TCERG1L: variants seen among roughly 807,000 people sequenced by gnomAD.
TCERG1L encodes transcription elongation regulator 1-like protein.
TCERG1L carries 37 observed loss-of-function variants against 56.3 expected under a neutral mutation model. The ratio of observed to expected loss-of-function variants is 0.66; its 90% CI spans 0.51 to 0.87. The LOEUF (loss-of-function observed/expected upper bound fraction) is 0.87. Ranked by LOEUF, TCERG1L falls within the 40% of genes least tolerant of loss-of-function variation. The probability of loss-of-function intolerance (pLI) is 0.00; values close to 1 mark genes in which losing one functional copy is unlikely to be tolerated. For synonymous variants in TCERG1L, 324 were observed against 326.3 expected, an observed-to-expected ratio of 0.99 and a Z score of 0.08; for missense variants, 799 against 774.2, an observed-to-expected ratio of 1.03 and a Z score of -0.38.
intron 4 of TCERG1L, among the ~76,000 whole-genome samples, chr10:131,180,370 C>A (rs527986058): frequency 6.6e-6 from 1 of 152,342 alleles, no homozygotes; most frequent in South Asian, 2.1e-4. Context: ...CTGCAAATTA[C>A]AAACTCTAAG....
rs1002212542 is a variant in TCERG1L at position 131,267,770 on chromosome 10, A to G, written c.671-7326T>C. Among the ~76,000 whole-genome samples, 6 of 152,072 alleles carry G rather than the reference A, an allele frequency of 3.9e-5. No homozygotes were observed. Among genetic ancestry groups the G allele is most frequent in the Non-Finnish European group, 8.8e-5 (6 of 67,994 alleles). On this transcript the variant is annotated intron_variant, in intron 3 of 11. Transcript: ENST00000368642. This position sits in a 1 kb window ranked among gnomAD's most constrained non-coding sequence, Gnocchi z 4.9. ...GCCTTGGGGACATGGGGCACAGGGA[A>G]CCCCACTGCTGCTCCCACCACCAGT...
At chr10:131,206,353 T>A (rs1298398925) in intron 4 of TCERG1L, among the ~76,000 whole-genome samples, 1 of 151,956 alleles carries the variant, frequency 6.6e-6, no homozygotes, top group Non-Finnish European at 1.5e-5. Flanking sequence ...TGAAGACCGG[T>A]GTGGGAGCTC....
At chr10:131,100,441 GTTACT>G (rs1845294002) in intron 10 of TCERG1L, among the ~76,000 whole-genome samples, 1 of 152,032 alleles carries the variant, frequency 6.6e-6, no homozygotes, top group South Asian at 2.1e-4. Context: ...CCTTTGCTCT[GTTACT>G]TTATTTTATG....
At chr10:131,300,932 C>A (rs1455830183) in intron 3 of TCERG1L, among the ~76,000 whole-genome samples, 1 of 152,052 alleles carries the variant, frequency 6.6e-6, no homozygotes, top group Non-Finnish European at 1.5e-5. Flanking sequence ...ATTTTGTTGT[C>A]ATGGTTGCCT....
intron 7 of TCERG1L, among the ~76,000 whole-genome samples, chr10:131,135,860 C>A (rs1233337418): frequency 6.6e-6 from 1 of 152,256 alleles, no homozygotes; most frequent in Non-Finnish European, 1.5e-5. Context: ...ATGGGCAGTG[C>A]AGAGCGGGGG....
chr10:131,304,808 G>C (rs1358512637), intron 3 of TCERG1L, among the ~76,000 whole-genome samples: 2 of 151,966 alleles, frequency 1.3e-5, no homozygotes, highest in African/African-American at 4.8e-5. Flanking sequence ...CACTTTCCTG[G>C]AGGAGCCAAG....
chr10:131,263,127 C>T (rs981647008), intron 3 of TCERG1L, among the ~76,000 whole-genome samples: 4 of 152,082 alleles, frequency 2.6e-5, no homozygotes, highest in Non-Finnish European at 4.4e-5. Context: ...CTGTCTTCCA[C>T]GGTGGCTATG....
intron 3 of TCERG1L, among the ~76,000 whole-genome samples, chr10:131,296,383 C>T (rs1846690386): frequency 6.6e-6 from 1 of 152,134 alleles, no homozygotes; most frequent in African/African-American, 2.4e-5. Flanking sequence ...ATGGTCTTTT[C>T]TTTATTGATT....
intron 4 of TCERG1L, among the ~76,000 whole-genome samples, chr10:131,236,241 T>A (rs906915306): frequency 6.6e-6 from 1 of 152,276 alleles, no homozygotes; most frequent in Non-Finnish European, 1.5e-5. Context: ...CTCCAACCTG[T>A]GATCTATGAT....
At chr10:131,180,691 A>G (rs1000256613) in intron 4 of TCERG1L, among the ~76,000 whole-genome samples, 2 of 152,210 alleles carry the variant, frequency 1.3e-5, no homozygotes, top group Non-Finnish European at 2.9e-5. Context: ...TCGTTATCTC[A>G]GCCTACGCAT....
At chr10:131,242,578 A>G (rs34535633) in intron 4 of TCERG1L, among the ~76,000 whole-genome samples, 8,786 of 152,332 alleles carry the variant, frequency 0.058, 342 homozygotes, top group Middle Eastern at 0.14. Flanking sequence ...CACAGTGAGT[A>G]TCCCTTATAG....
chr10:131,296,066 TTTTTA>T (rs1846686473), intron 3 of TCERG1L, among the ~76,000 whole-genome samples: 1 of 152,186 alleles, frequency 6.6e-6, no homozygotes, highest in Non-Finnish European at 1.5e-5. Context: ...TTTTTCTGCT[TTTTTA>T]TTTTATGAAA....
chr10:131,265,128 G>A (rs904125405), intron 3 of TCERG1L, among the ~76,000 whole-genome samples: 4 of 151,936 alleles, frequency 2.6e-5, no homozygotes, highest in Non-Finnish European at 5.9e-5. Context: ...CATAATGAGT[G>A]AAAAAGCGAC....
chr10:131,256,994 A>AAGGAAAGG (rs1554897149), intron 4 of TCERG1L, among the ~76,000 whole-genome samples: 3 of 69,080 alleles, frequency 4.3e-5, no homozygotes, highest in African/African-American at 1.6e-4. Flanking sequence ...GGAAGGAAGG[A>AAGGAAAGG]AAGAAAGAAA....
At chr10:131,254,754 C>T (rs535735382) in intron 4 of TCERG1L, among the ~76,000 whole-genome samples, 38 of 152,254 alleles carry the variant, frequency 2.5e-4, no homozygotes, top group African/African-American at 9.1e-4. Flanking sequence ...GTGTGAGGCA[C>T]GAACTCCTGG....
intron 2 of TCERG1L, among the ~76,000 whole-genome samples, chr10:131,308,914 C>G (rs1039285224): frequency 6.6e-6 from 1 of 152,098 alleles, no homozygotes; most frequent in Admixed American, 6.6e-5. Context: ...GACTCTGATT[C>G]AAAAATTGGA....
At chr10:131,227,199 A>G (rs1030672512) in intron 4 of TCERG1L, among the ~76,000 whole-genome samples, 1 of 152,248 alleles carries the variant, frequency 6.6e-6, no homozygotes, top group Non-Finnish European at 1.5e-5. Flanking sequence ...CACCATTGGA[A>G]GTGACCAGGG....
intron 4 of TCERG1L, among the ~76,000 whole-genome samples, chr10:131,170,427 T>C (rs77223696): frequency 0.037 from 5,694 of 152,082 alleles, 374 homozygotes; most frequent in African/African-American, 0.13. Context: ...GAGCATGCAA[T>C]GTATTTCCGC....
intron 11 of TCERG1L, among the ~76,000 whole-genome samples, chr10:131,097,242 T>C (rs559968971): frequency 1.4e-4 from 21 of 150,496 alleles, no homozygotes; most frequent in Admixed American, 8.6e-4. Flanking sequence ...AAAAAACTGA[T>C]GCTGCATCTT....
Sources: allele counts gnomAD v4.1 joint callset (sites outside exome capture counted in the v4.1 genomes callset), GRCh38; gene constraint gnomAD v4.1.1; non-coding constraint Gnocchi (gnomAD v3.1); transcripts MANE v1.5; gene names NCBI Gene and HGNC (gene_info 2026-07-23, HGNC 2026-07-21).